EPM2A: variants seen among roughly 807,000 people sequenced by gnomAD.
EPM2A encodes laforin.
Under a neutral mutation model 26.5 loss-of-function variants are expected in EPM2A, and 21 were observed. The observed-to-expected ratio is 0.79, with a 90% CI of 0.56 to 1.14. The LOEUF is 1.14. EPM2A is among the 50% of genes most tolerant of loss of function. The probability of loss-of-function intolerance (pLI) is 0.00; values close to 1 mark genes in which losing one functional copy is unlikely to be tolerated. For synonymous variants in EPM2A, 217 were observed against 177.6 expected (o/e 1.22, Z -1.76); for missense variants, 458 against 440.8 (o/e 1.04, Z -0.35).
intron 2 of EPM2A, among the ~76,000 whole-genome samples, chr6:145,518,250 T>C (rs1780156210): frequency 6.6e-6 from 1 of 152,196 alleles, no homozygotes; most frequent in Non-Finnish European, 1.5e-5. Flanking sequence ...ATTGCTGTTT[T>C]ATGTTCTCAG....
At chr6:145,398,204 A>C (rs1778432054) in intron 4 of EPM2A, among the ~76,000 whole-genome samples, 1 of 152,194 alleles carries the variant, frequency 6.6e-6, no homozygotes, top group African/African-American at 2.4e-5. Flanking sequence ...CTTCTGCAAC[A>C]GTCAGAATCT....
At chr6:145,553,937 A>G (rs1211207478) in intron 2 of EPM2A, among the ~76,000 whole-genome samples, 1 of 150,694 alleles carries the variant, frequency 6.6e-6, no homozygotes, top group Admixed American at 6.6e-5. Flanking sequence ...GGGCAAAGTA[A>G]TCTGACTTTT....
Position 145,521,562 on chromosome 6 carries a change from T to C in EPM2A, c.341-18987A>G, listed in dbSNP as rs570766958. Among the ~76,000 whole-genome samples, 4 of 152,308 alleles carry C rather than the reference T, an allele frequency of 2.6e-5. No individual in the cohort carries two copies. In the East Asian group the frequency reaches 7.7e-4, roughly 29 times the overall value. On this transcript the variant is annotated intron_variant, in intron 2 of 3. Transcript: ENST00000450221. ...CTATTGCTTTATCAAGTAAGTATAA[T>C]GAAGCAAGAGGCAACAAATGATTAG...
intron 1 of EPM2A, among the ~76,000 whole-genome samples, chr6:145,730,738 G>A (rs1768689535): frequency 6.6e-6 from 1 of 152,152 alleles, no homozygotes; most frequent in South Asian, 2.1e-4. Flanking sequence ...GTCCAATCCA[G>A]CATAGTTAAT....
At chr6:145,703,848 C>A (rs1302948344) in intron 1 of EPM2A, among the ~76,000 whole-genome samples, 1 of 152,130 alleles carries the variant, frequency 6.6e-6, no homozygotes, top group African/African-American at 2.4e-5. Context: ...GATATGAAAC[C>A]ATGATAAAGT....
At position 145,665,424 on chromosome 6, in the gene EPM2A, T is replaced by C. The variant is rs1384309170; in HGVS notation, c.476+20698A>G. Among the ~76,000 whole-genome samples, 5 of 100,196 alleles carry C rather than the reference T, an allele frequency of 5.0e-5. No homozygotes were observed. The East Asian group carries it at 1.5e-3, about 30-fold the overall frequency. The allele number at this position is 100,196 out of a possible 152,430, so 65.7% of individuals were successfully genotyped here. A position where few individuals can be genotyped will look rare whatever the true frequency, so the allele number is the denominator to read the frequency against. ...AACTAGAAAATCTAGAAGAAATGGA[T>C]ACATTCCTCGACACATACACTCTCC... is the stretch of plus-strand genomic sequence containing the variant. On this transcript the variant is annotated intron_variant, in intron 2 of 3. Coordinates refer to ENST00000367519, the MANE Select transcript of EPM2A (RefSeq NM_005670.4).
At chr6:145,606,719 T>C (rs879364242) in intron 2 of EPM2A, among the ~76,000 whole-genome samples, 6 of 152,128 alleles carry the variant, frequency 3.9e-5, no homozygotes, top group African/African-American at 1.4e-4. Flanking sequence ...TCTAGAAATG[T>C]TTCATGGAAG....
chr6:145,728,043 T>C (rs545049599), intron 1 of EPM2A, among the ~76,000 whole-genome samples: 1 of 152,316 alleles, frequency 6.6e-6, no homozygotes, highest in African/African-American at 2.4e-5. Context: ...TCCAGCCATG[T>C]AGGACGTGCC....
At chr6:145,709,959 AATTAATTCAAGATGG>A (rs1399021033) in intron 1 of EPM2A, among the ~76,000 whole-genome samples, 1 of 152,218 alleles carries the variant, frequency 6.6e-6, no homozygotes, top group East Asian at 1.9e-4. Context: ...CTTATACAAA[AATTAATTCAAGATGG>A]ATTAAAAACT....
chr6:145,621,036 T>C (rs911736225), downstream of EPM2A, among the ~76,000 whole-genome samples: 1 of 152,184 alleles, frequency 6.6e-6, no homozygotes, highest in African/African-American at 2.4e-5. Context: ...ATTAATTAGG[T>C]CTCCAGGACT....
At chr6:145,718,451 T>C (rs6919750) in intron 1 of EPM2A, among the ~76,000 whole-genome samples, 94,933 of 149,882 alleles carry the variant, frequency 0.63, 30,623 homozygotes, top group East Asian at 0.74. Flanking sequence ...TTCCTTACAC[T>C]TTATACAAAA....
chr6:145,735,718 CCT>C, upstream of EPM2A: 1 of 880,698 alleles, frequency 1.1e-6, no homozygotes, highest in Non-Finnish European at 1.4e-6. Flanking sequence ...CCGCTAGCTG[CCT>C]CTTTGTGCCC....
intron 4 of EPM2A, among the ~76,000 whole-genome samples, chr6:145,401,811 C>T (rs1970310): frequency 0.44 from 66,577 of 151,788 alleles, 14,673 homozygotes; most frequent in South Asian, 0.53. Flanking sequence ...ATATGGGAGC[C>T]GCCTCAAGTG....
chr6:145,445,574 A>C (rs921672709), intron 4 of EPM2A, among the ~76,000 whole-genome samples: 1 of 152,168 alleles, frequency 6.6e-6, no homozygotes, highest in Non-Finnish European at 1.5e-5. Flanking sequence ...GCTTACTAAG[A>C]CTAAGCCATT....
At chr6:145,585,516 T>G (rs1301949846) in intron 2 of EPM2A, among the ~76,000 whole-genome samples, 1 of 152,174 alleles carries the variant, frequency 6.6e-6, no homozygotes, top group Non-Finnish European at 1.5e-5. Context: ...TCATTGTATT[T>G]TTCATTTCAC....
At chr6:145,705,274 C>A (rs185165033) in intron 1 of EPM2A, among the ~76,000 whole-genome samples, 22 of 152,176 alleles carry the variant, frequency 1.4e-4, no homozygotes, top group Middle Eastern at 3.4e-3. Flanking sequence ...CATGGTGAAA[C>A]CCTGTCTCTA....
chr6:145,623,103 T>C (rs1775672166), downstream of EPM2A, among the ~76,000 whole-genome samples: 1 of 152,216 alleles, frequency 6.6e-6, no homozygotes, highest in South Asian at 2.1e-4. Context: ...TTAGCTACTC[T>C]TGTCCTTCAC....
intron 2 of EPM2A, among the ~76,000 whole-genome samples, chr6:145,598,120 T>G (rs1781372441): frequency 6.6e-6 from 1 of 152,114 alleles, no homozygotes; most frequent in South Asian, 2.1e-4. Context: ...CATGGTAGTT[T>G]TGTTTTTAGC....
At chr6:145,402,623 G>C (rs930865079) in intron 4 of EPM2A, among the ~76,000 whole-genome samples, 3 of 152,048 alleles carry the variant, frequency 2.0e-5, no homozygotes, top group Non-Finnish European at 2.9e-5. Flanking sequence ...GTATCTAAAG[G>C]GTGAAGGAAA....
Sources: gnomAD v4.1 joint callset for allele counts (sites outside exome capture counted in the v4.1 genomes callset) on GRCh38, gnomAD v4.1.1 for gene constraint, MANE v1.5 for transcripts, NCBI Gene and HGNC (gene_info 2026-07-23, HGNC 2026-07-21) for gene names.